Variants in STAB2 observed in about 807,000 individuals in gnomAD.
STAB2 encodes stabilin-2.
A neutral mutation model predicts 338.1 loss-of-function variants in STAB2; 288 were observed. The observed-to-expected ratio is 0.85, with a 90% confidence interval of 0.77 to 0.94. STAB2 has a LOEUF of 0.94. STAB2 is among the 40% of genes least tolerant of loss of function. The pLI, the probability that STAB2 is intolerant of heterozygous loss-of-function variation, is 0.00. For missense variants in STAB2, 3,141 were observed against 3,210.1 expected (o/e 0.98, Z 0.52); for synonymous variants, 1,202 against 1,193.3 (o/e 1.01, Z -0.15).
At chr12:103,593,093 G>A (rs1318604027) in intron 2 of STAB2, among the ~76,000 whole-genome samples, 2 of 152,106 alleles carry the variant, frequency 1.3e-5, no homozygotes, top group East Asian at 3.9e-4. Flanking sequence ...TTGCTTCCAT[G>A]TCTTGGCTAT....
At chr12:103,610,870 A>G (rs1957111738) in intron 3 of STAB2, among the ~76,000 whole-genome samples, 1 of 152,168 alleles carries the variant, frequency 6.6e-6, no homozygotes, top group Admixed American at 6.5e-5. Context: ...TGTGTCCCAG[A>G]GATTCTGGTA....
intron 25 of STAB2, among the ~76,000 whole-genome samples, chr12:103,682,243 T>A (rs145201667): frequency 6.6e-6 from 1 of 152,238 alleles, no homozygotes; most frequent in African/African-American, 2.4e-5. Context: ...TCATTCTCTT[T>A]CATTGACTCA....
At position 103,735,582 on chromosome 12, in the gene STAB2, TG is replaced by T. The variant is rs1882049132; in HGVS notation, c.5550+3del. ...AAATGTGGAGCTGGCAGGGACATCG[TG>T]AGTATCATCATGAAGGGTGGGCAGG... On this transcript the variant is annotated splice_donor_region_variant and intron_variant, in intron 52 of 68. Coordinates refer to ENST00000388887, the MANE Select transcript of STAB2 (RefSeq NM_017564.10). 6.2e-7 allele frequency: 1 copy of T among 1,602,060 alleles called. No individual in the cohort carries two copies. The highest frequency in any genetic ancestry group is 1.4e-5 in the African/African-American group (1 of 73,668).
At chr12:103,724,749 G>C (rs1881044834) in intron 44 of STAB2, among the ~76,000 whole-genome samples, 1 of 152,162 alleles carries the variant, frequency 6.6e-6, no homozygotes, top group Admixed American at 6.5e-5. Flanking sequence ...CTGGAGATCT[G>C]CTCAAAGGGA....
intron 50 of STAB2, among the ~76,000 whole-genome samples, chr12:103,732,608 C>G (rs1240349579): frequency 6.6e-6 from 1 of 152,110 alleles, no homozygotes; most frequent in African/African-American, 2.4e-5. Context: ...GAGTTTGAGA[C>G]CAGCCTGGGC....
At chr12:103,710,120 A>G (rs928202446) in intron 39 of STAB2, among the ~76,000 whole-genome samples, 2 of 152,166 alleles carry the variant, frequency 1.3e-5, no homozygotes, top group Admixed American at 6.5e-5. Context: ...CTACTGCCAG[A>G]TAGAACTTAC....
At chr12:103,654,252 TTAAA>T (rs1328579126) in intron 12 of STAB2, among the ~76,000 whole-genome samples, 1 of 152,234 alleles carries the variant, frequency 6.6e-6, no homozygotes, top group Non-Finnish European at 1.5e-5. Context: ...TTATAGTAAA[TTAAA>T]TAGTTTTGTC....
intron 3 of STAB2, among the ~76,000 whole-genome samples, chr12:103,605,219 T>C (rs10861051): frequency 0.31 from 47,090 of 151,722 alleles, 9,073 homozygotes; most frequent in African/African-American, 0.55. Flanking sequence ...ATATCAAATT[T>C]GTGAGGTTAA....
chr12:103,641,904 T>C (rs1872955392), intron 9 of STAB2, among the ~76,000 whole-genome samples: 1 of 152,204 alleles, frequency 6.6e-6, no homozygotes. Context: ...AAGTCATCAG[T>C]CCTCAGGTAA....
intron 1 of STAB2, among the ~76,000 whole-genome samples, chr12:103,590,084 A>C (rs78351385): frequency 0.04 from 6,060 of 152,168 alleles, 180 homozygotes; most frequent in East Asian, 0.12. Flanking sequence ...AAGTTGAGGA[A>C]AGGGAGGCAT....
intron 9 of STAB2, among the ~76,000 whole-genome samples, chr12:103,643,702 A>G (rs529278266): frequency 6.6e-6 from 1 of 152,210 alleles, no homozygotes; most frequent in East Asian, 1.9e-4. Context: ...AAATGGGGCT[A>G]ATAACAGGAC....
chr12:103,719,594 C>G lies in STAB2; in HGVS notation c.4683+1753C>G, dbSNP rs980753244. ...CGGCCGCATCACTCCAATCTTGCCT[C>G]CATCTTCACATGGCCTTCACTTCTG... On this transcript the variant is annotated intron_variant, in intron 44 of 68. Transcript: ENST00000388887. Among the ~76,000 whole-genome samples, 24 of 152,354 alleles carry G rather than the reference C, an allele frequency of 1.6e-4. 1 individual carries two copies. The highest frequency in any genetic ancestry group is 8.5e-4 in the Admixed American group (13 of 15,310).
Position 103,749,056 on chromosome 12 carries a change from G to C in STAB2, c.6338G>C (p.Gly2113Ala). ...GTKVSCSCQK[G>A]YKGDGHSCTE... is the part of the protein sequence containing the mutation. Reference sequence around the variant, plus strand: ...AAGGTCTCCTGCAGCTGCCAGAAGGGATACAAAGGGGACGGGCACAGCTGC... The same window carrying C: ...AAGGTCTCCTGCAGCTGCCAGAAGGCATACAAAGGGGACGGGCACAGCTGC... The change falls in exon 59 of 69, where the codon GGA (glycine) becomes GCA (alanine). Residue 2113 changes from glycine (G) to alanine (A), a missense_variant. By Grantham distance (60) the Gly-to-Ala change is moderately conservative. Coordinates refer to ENST00000388887, the MANE Select transcript of STAB2 (RefSeq NM_017564.10). The C allele has an allele frequency of 6.2e-7, 1 of 1,614,126 alleles. No homozygotes were observed. The highest frequency in any genetic ancestry group is 8.5e-7 in the Non-Finnish European group (1 of 1,180,024).
At chr12:103,725,183 T>A in intron 45 of STAB2, 89 bp downstream of exon 45, 1 of 1,539,804 alleles carries the variant, frequency 6.5e-7, no homozygotes, top group Non-Finnish European at 8.8e-7. Context: ...AAGAGCTTGG[T>A]GAAATGTAAA....
Position 103,631,544 on chromosome 12 carries a change from T to C in STAB2, c.488-54T>C, listed in dbSNP as rs150163968. ...ATCTAAAAACACTAGCTTTCCAGAA[T>C]GTTTAGCAACAGTCTATGTCAGGTA... On this transcript the variant is annotated intron_variant, in intron 5 of 68. Coordinates refer to ENST00000388887, the MANE Select transcript of STAB2 (RefSeq NM_017564.10). 4.8e-4 allele frequency: 742 copies of C among 1,534,788 alleles called. 6 individuals are homozygous for C. In the Admixed American group the frequency reaches 8.5e-3, roughly 18 times the overall value.
intron 5 of STAB2, among the ~76,000 whole-genome samples, chr12:103,627,496 G>A (rs1188957590): frequency 6.6e-6 from 1 of 152,236 alleles, no homozygotes; most frequent in Non-Finnish European, 1.5e-5. Flanking sequence ...TGTCTCTAGA[G>A]ATTTGCTGAG....
At chr12:103,609,634 C>A (rs1450202770) in intron 3 of STAB2, among the ~76,000 whole-genome samples, 6 of 152,102 alleles carry the variant, frequency 3.9e-5, no homozygotes, top group Non-Finnish European at 8.8e-5. Flanking sequence ...CATCTGCAAA[C>A]AGGGACAATT....
chr12:103,725,513 C>T lies in STAB2; in HGVS notation c.4803+419C>T, dbSNP rs368602961. Among the ~76,000 whole-genome samples the T allele has an allele frequency of 5.3e-5, 8 of 152,320 alleles. No individual in the cohort carries two copies. In the East Asian group the frequency reaches 1.3e-3, roughly 26 times the overall value. On this transcript the variant is annotated intron_variant, in intron 45 of 68. Transcript: ENST00000388887. ...AGTGCTCAATAGCTCAACCACATTACCATGGCGTGGATTGCAGTGTGTGCA... is the reference window on the plus strand; with the variant it reads ...AGTGCTCAATAGCTCAACCACATTATCATGGCGTGGATTGCAGTGTGTGCA...
intron 3 of STAB2, among the ~76,000 whole-genome samples, chr12:103,606,500 A>G (rs936735317): frequency 2.0e-5 from 3 of 151,866 alleles, no homozygotes; most frequent in Admixed American, 2.0e-4. Flanking sequence ...TTCCTGACCA[A>G]TTTTCTTTAA....
Sources: allele counts gnomAD v4.1 joint callset (sites outside exome capture counted in the v4.1 genomes callset), GRCh38; gene constraint gnomAD v4.1.1; transcripts MANE v1.5; gene names NCBI Gene and HGNC (gene_info 2026-07-23, HGNC 2026-07-21).